Variants in RXFP2 observed in about 807,000 individuals in gnomAD.
RXFP2 encodes relaxin receptor 2.
A neutral mutation model predicts 88.6 loss-of-function variants in RXFP2; 68 were observed. The ratio of observed to expected loss-of-function variants is 0.77; its 90% CI spans 0.63 to 0.94. The LOEUF (loss-of-function observed/expected upper bound fraction) is 0.94. Ranked by LOEUF, RXFP2 falls within the 40% of genes least tolerant of loss-of-function variation. The probability of loss-of-function intolerance (pLI) is 0.00; values close to 1 mark genes in which losing one functional copy is unlikely to be tolerated. For synonymous variants in RXFP2, 329 were observed against 306.8 expected (o/e 1.07, Z -0.76); for missense variants, 791 against 893.9 (o/e 0.88, Z 1.47).
chr13:31,781,000 G>A (rs1873241322), intron 9 of RXFP2, among the ~76,000 whole-genome samples: 1 of 152,178 alleles, frequency 6.6e-6, no homozygotes, highest in South Asian at 2.1e-4. Context: ...CGTCCTTGAG[G>A]CATCATAGAA....
At chr13:31,745,860 G>T (rs140777447) in intron 1 of RXFP2, among the ~76,000 whole-genome samples, 123 of 152,224 alleles carry the variant, frequency 8.1e-4, no homozygotes, top group Non-Finnish European at 1.2e-3. Flanking sequence ...TCAAAGATTG[G>T]ATATGGGTGA....
Position 31,802,169 on chromosome 13 carries a change from AT to A in RXFP2, c.2036del (p.Phe679SerfsTer8). 1.2e-6 allele frequency: 2 copies of A among 1,613,990 alleles called. No individual in the cohort carries two copies. Among genetic ancestry groups the A allele is most frequent in the East Asian group, 4.5e-5 (2 of 44,854 alleles). ...AGACACAATGACTTCCTGGATAGTGATTTTTTTCCTTCCAGTTAACAGTGCT... is the reference window on the plus strand; with the variant it reads ...AGACACAATGACTTCCTGGATAGTGATTTTTTCCTTCCAGTTAACAGTGCT... ...IPDTMTSWIV[I>X]FFLPVNSALN... On this transcript the variant is annotated frameshift_variant, in exon 18 of 18. Coordinates refer to ENST00000298386, the MANE Select transcript of RXFP2 (RefSeq NM_130806.5). LOFTEE classifies it high-confidence loss of function.
At chr13:31,759,379 A>AAGAAAGAAAGAAAGAAAGAG (rs1235203618) in intron 2 of RXFP2, among the ~76,000 whole-genome samples, 2 of 121,474 alleles carry the variant, frequency 1.6e-5, no homozygotes, top group East Asian at 3.0e-4. Flanking sequence ...TGGATTGAGA[A>AAGAAAGAAAGAAAGAAAGAG]AGAAAGAAAG....
intron 17 of RXFP2, 101 bp from the exon 18 acceptor site, chr13:31,802,045 A>AT: frequency 8.5e-7 from 1 of 1,170,892 alleles, no homozygotes; most frequent in Non-Finnish European, 1.3e-6. Flanking sequence ...AAAATGTACT[A>AT]TGTCTCCCTC....
intron 7 of RXFP2, among the ~76,000 whole-genome samples, chr13:31,776,096 CT>C (rs5802616): frequency 0.085 from 11,114 of 130,734 alleles, 828 homozygotes; most frequent in African/African-American, 0.14. Context: ...TTCTTTCTTT[CT>C]TTTCTTTTCT....
At position 31,752,836 on chromosome 13, in the gene RXFP2, G is replaced by A. The variant is rs575021458; in HGVS notation, c.95-5422G>A. Among the ~76,000 whole-genome samples the A allele has an allele frequency of 2.6e-5, 4 of 152,296 alleles. No individual in the cohort carries two copies. In the East Asian group the frequency reaches 7.7e-4, roughly 29 times the overall value. Reference sequence around the variant, plus strand: ...CAGCCCCTGAGTTCTTGGTAGTGATGGACGCTGTCTGCTTTGCTGACTGAC... The same window carrying A: ...CAGCCCCTGAGTTCTTGGTAGTGATAGACGCTGTCTGCTTTGCTGACTGAC... On this transcript the variant is annotated intron_variant, in intron 1 of 17. Coordinates refer to ENST00000298386, the MANE Select transcript of RXFP2 (RefSeq NM_130806.5).
At chr13:31,742,945 T>C (rs1254775259) in intron 1 of RXFP2, among the ~76,000 whole-genome samples, 1 of 152,234 alleles carries the variant, frequency 6.6e-6, no homozygotes, top group African/African-American at 2.4e-5. Context: ...ATGAGTGTGC[T>C]TGTTTCACAT....
chr13:31,798,343 G>A (rs1009984986), intron 17 of RXFP2, among the ~76,000 whole-genome samples: 2 of 152,110 alleles, frequency 1.3e-5, no homozygotes, highest in African/African-American at 4.8e-5. Flanking sequence ...GTCTCCACAT[G>A]GCACAGATGC....
chr13:31,768,804 C>A (rs1872640840), intron 5 of RXFP2, among the ~76,000 whole-genome samples: 1 of 152,138 alleles, frequency 6.6e-6, no homozygotes, highest in African/African-American at 2.4e-5. Context: ...TCCAAACTCC[C>A]AGAAAAATAG....
intron 16 of RXFP2, among the ~76,000 whole-genome samples, chr13:31,794,406 A>G (rs568817764): frequency 1.4e-4 from 19 of 132,176 alleles, no homozygotes; most frequent in African/African-American, 5.0e-4. Context: ...ACACACACAC[A>G]CACCATGACA....
intron 4 of RXFP2, 36 bp downstream of exon 4, chr13:31,765,178 T>G: frequency 7.9e-7 from 1 of 1,270,984 alleles, no homozygotes; most frequent in Non-Finnish European, 1.2e-6. Context: ...TATCTGTCCC[T>G]ATAGTCACAT....
At chr13:31,797,460 C>T (rs1015267110) in intron 17 of RXFP2, 41 bp downstream of exon 17, 5 of 1,430,640 alleles carry the variant, frequency 3.5e-6, no homozygotes, top group Middle Eastern at 2.0e-4. Context: ...TACATCGTGC[C>T]TTCTTACGTC....
chr13:31,775,144 G>A (rs1872888604), intron 6 of RXFP2, among the ~76,000 whole-genome samples, 174 bp from the exon 7 acceptor site: 1 of 152,150 alleles, frequency 6.6e-6, no homozygotes, highest in Non-Finnish European at 1.5e-5. Flanking sequence ...TGGGCTTGTG[G>A]TTATCTGTAC....
chr13:31,795,577 G>C (rs919104617), intron 16 of RXFP2, among the ~76,000 whole-genome samples: 1 of 152,078 alleles, frequency 6.6e-6, no homozygotes, highest in African/African-American at 2.4e-5. Flanking sequence ...AAGACAACTA[G>C]TTTTATAAAA....
At chr13:31,775,454 A>G in intron 7 of RXFP2, 65 bp downstream of exon 7, 10 of 1,157,126 alleles carry the variant, frequency 8.6e-6, no homozygotes, top group Non-Finnish European at 1.3e-5. Flanking sequence ...TAACAGTGCT[A>G]ATGTAGTTTC....
intron 11 of RXFP2, among the ~76,000 whole-genome samples, chr13:31,785,420 G>A (rs1412952831): frequency 6.6e-6 from 1 of 152,050 alleles, no homozygotes; most frequent in Non-Finnish European, 1.5e-5. Context: ...CTGAGAAGCT[G>A]TTCTTCTTTT....
intron 5 of RXFP2, among the ~76,000 whole-genome samples, chr13:31,770,958 CA>C (rs1872715375): frequency 6.6e-6 from 1 of 152,110 alleles, no homozygotes; most frequent in South Asian, 2.1e-4. Flanking sequence ...GCATCTTCAC[CA>C]GGGAGAAGAA....
chr13:31,774,031 A>G (rs1275702630), intron 5 of RXFP2, among the ~76,000 whole-genome samples: 1 of 152,234 alleles, frequency 6.6e-6, no homozygotes, highest in Non-Finnish European at 1.5e-5. Flanking sequence ...TGTACTATTA[A>G]GTTGCTTCAG....
At chr13:31,777,505 C>T in intron 8 of RXFP2, 58 bp downstream of exon 8, 1 of 1,244,402 alleles carries the variant, frequency 8.0e-7, no homozygotes, top group Non-Finnish European at 1.2e-6. Flanking sequence ...ACATCTAGCA[C>T]TAGCTTACAA....
Sources: gnomAD v4.1 joint callset for allele counts (sites outside exome capture counted in the v4.1 genomes callset) on GRCh38, gnomAD v4.1.1 for gene constraint, MANE v1.5 for transcripts, NCBI Gene and HGNC (gene_info 2026-07-23, HGNC 2026-07-21) for gene names.